The following CHODL variants were observed in gnomAD, a reference collection of about 807,000 sequenced individuals.
CHODL encodes the protein transmembrane protein MT75.
In CHODL, 29 loss-of-function variants were observed where a neutral mutation model predicts 34.5. The observed-to-expected ratio is 0.84, with a 90% CI of 0.63 to 1.15. The LOEUF (loss-of-function observed/expected upper bound fraction) is 1.15, where lower values mean the gene tolerates loss of function less well. CHODL is among the 50% of genes most tolerant of loss of function. The probability of loss-of-function intolerance (pLI) is 0.00; values close to 1 mark genes in which losing one functional copy is unlikely to be tolerated. For synonymous variants in CHODL, 125 were observed against 116.1 expected, an observed-to-expected ratio of 1.08 and a Z score of -0.49; for missense variants, 332 against 332.5, an observed-to-expected ratio of 1.00 and a Z score of 0.01.
chr21:18,231,126 C>T (rs568992180), intron 2 of CHODL, among the ~76,000 whole-genome samples: 27 of 152,158 alleles, frequency 1.8e-4, no homozygotes, highest in African/African-American at 5.5e-4. Flanking sequence ...TTGTAGCTTG[C>T]TTTTGAAGAA....
intron 2 of CHODL, among the ~76,000 whole-genome samples, chr21:18,215,435 A>G (rs1470331296): frequency 6.6e-6 from 1 of 152,198 alleles, no homozygotes; most frequent in Non-Finnish European, 1.5e-5. Flanking sequence ...AGAGAGATAT[A>G]TAAAGAGGCA....
At chr21:18,152,817 A>G (rs972561112) in intron 2 of CHODL, among the ~76,000 whole-genome samples, 1 of 152,218 alleles carries the variant, frequency 6.6e-6, no homozygotes, top group African/African-American at 2.4e-5. Context: ...TCTGCCCACT[A>G]TATGAACATA....
Position 18,150,360 on chromosome 21 carries a change from T to C in CHODL, c.-44-106149T>C, listed in dbSNP as rs551220716. 6.2e-4 allele frequency among the ~76,000 whole-genome samples: 95 copies of C among 152,302 alleles called. 1 individual carries two copies. The South Asian group carries it at 0.018, about 29-fold the overall frequency. On this transcript the variant is annotated intron_variant, in intron 2 of 6. Transcript: ENST00000400127. ...TCTGACCCCACTCCCCACTATGGCC[T>C]GAACCAGTCTCTCAGGTTAAATTGT...
At chr21:17,976,270 G>GGA (rs2063661647) in intron 1 of CHODL, among the ~76,000 whole-genome samples, 1 of 66,536 alleles carries the variant, frequency 1.5e-5, no homozygotes, top group African/African-American at 4.3e-5. Context: ...GACCATCTCA[G>GGA]AAAAAAAAAA....
chr21:18,168,836 CTAATA>C (rs1217964770), intron 2 of CHODL, among the ~76,000 whole-genome samples: 5 of 152,116 alleles, frequency 3.3e-5, no homozygotes, highest in African/African-American at 1.2e-4. Flanking sequence ...GAAACATTGA[CTAATA>C]TAAGACCACA....
At chr21:18,107,891 G>A (rs1037992846) in intron 2 of CHODL, among the ~76,000 whole-genome samples, 3 of 152,220 alleles carry the variant, frequency 2.0e-5, no homozygotes, top group Admixed American at 2.0e-4. Flanking sequence ...CTCATCAGAA[G>A]GTTCCTAGTG....
At chr21:18,188,653 C>T (rs2073473789) in intron 2 of CHODL, among the ~76,000 whole-genome samples, 1 of 152,164 alleles carries the variant, frequency 6.6e-6, no homozygotes, top group Admixed American at 6.6e-5. Flanking sequence ...GGTCTTGGAT[C>T]CCCAAAGAAC....
At chr21:17,999,565 A>G (rs556245630) in intron 1 of CHODL, among the ~76,000 whole-genome samples, 48 of 152,356 alleles carry the variant, frequency 3.2e-4, no homozygotes, top group Non-Finnish European at 4.6e-4. Flanking sequence ...ATGCCTCACA[A>G]TCATGGTGGG....
chr21:17,917,687 C>CA (rs758107356), intron 1 of CHODL, among the ~76,000 whole-genome samples: 22 of 152,136 alleles, frequency 1.4e-4, no homozygotes, highest in Non-Finnish European at 2.6e-4. Context: ...TTCTATTGGC[C>CA]AAACCCAACA....
Position 18,235,589 on chromosome 21 carries a change from T to C in CHODL, c.-44-20920T>C, listed in dbSNP as rs138209968. ...TTTTTGTTATAAAAGAGTTAAGAAG[T>C]AGTAGTCACCAAGGATAATATGATC... On this transcript the variant is annotated intron_variant, in intron 2 of 6. Coordinates refer to the CHODL transcript ENST00000400127. 3.3e-5 allele frequency among the ~76,000 whole-genome samples: 5 copies of C among 152,210 alleles called. No homozygotes were observed. In the East Asian group the frequency reaches 9.7e-4, roughly 29 times the overall value.
chr21:18,100,003 G>T (rs1209476885), intron 2 of CHODL: 1 of 152,052 alleles, frequency 6.6e-6, no homozygotes, highest in African/African-American at 2.4e-5. Flanking sequence ...GGAGTACTGT[G>T]CTAGACTGGA....
chr21:18,081,313 G>A (rs1192525853), intron 2 of CHODL, among the ~76,000 whole-genome samples: 1 of 151,958 alleles, frequency 6.6e-6, no homozygotes, highest in African/African-American at 2.4e-5. Flanking sequence ...TTTCCAATTT[G>A]GATGCTTTTT....
intron 2 of CHODL, among the ~76,000 whole-genome samples, chr21:18,081,533 T>C (rs1351650081): frequency 6.6e-6 from 1 of 151,954 alleles, no homozygotes; most frequent in African/African-American, 2.4e-5. Flanking sequence ...GTACAAAAAT[T>C]AGCCAGGCAT....
intron 2 of CHODL, among the ~76,000 whole-genome samples, chr21:18,055,863 G>A (rs1003333765): frequency 6.6e-6 from 1 of 151,996 alleles, no homozygotes; most frequent in African/African-American, 2.4e-5. Context: ...CTTGGTCATC[G>A]TTACCTGAAC....
intron 2 of CHODL, among the ~76,000 whole-genome samples, chr21:18,148,544 T>A (rs1601070726): frequency 6.6e-6 from 1 of 152,166 alleles, no homozygotes. Flanking sequence ...TATTCTTTTT[T>A]TAGAAATGGA....
At chr21:17,942,399 G>C (rs1439956540) in intron 1 of CHODL, among the ~76,000 whole-genome samples, 1 of 152,108 alleles carries the variant, frequency 6.6e-6, no homozygotes, top group African/African-American at 2.4e-5. Flanking sequence ...GTATAAAGGG[G>C]AGTTTCCCTG....
At chr21:18,265,921 T>C (rs1296731130) in intron 5 of CHODL, 33 bp from the exon 6 acceptor site, 1 of 1,580,950 alleles carries the variant, frequency 6.3e-7, no homozygotes, top group Non-Finnish European at 8.6e-7. Flanking sequence ...TAAGAAATTT[T>C]AGGCACTAAA....
At chr21:18,248,736 T>C (rs2074185884) in intron 1 of CHODL, among the ~76,000 whole-genome samples, 1 of 120,918 alleles carries the variant, frequency 8.3e-6, no homozygotes, top group Non-Finnish European at 1.6e-5. Context: ...GTATATAATA[T>C]ATATGTATAA....
At chr21:18,157,140 AG>A (rs1188714339) in intron 2 of CHODL, among the ~76,000 whole-genome samples, 1 of 152,216 alleles carries the variant, frequency 6.6e-6, no homozygotes, top group African/African-American at 2.4e-5. Context: ...TTACATGCAC[AG>A]GGACTGTGTT....
Sources: allele counts gnomAD v4.1 joint callset (sites outside exome capture counted in the v4.1 genomes callset), GRCh38; gene constraint gnomAD v4.1.1; transcripts MANE v1.5; gene names NCBI Gene and HGNC (gene_info 2026-07-23, HGNC 2026-07-21).